Variants in APLP1 observed in about 807,000 individuals in gnomAD.
APLP1 encodes amyloid beta precursor like protein 1.
In APLP1, 46 loss-of-function variants were observed where a neutral mutation model predicts 84.5. The observed-to-expected ratio is 0.54, with a 90% confidence interval of 0.43 to 0.70. The LOEUF (loss-of-function observed/expected upper bound fraction) is 0.70, where lower values mean the gene tolerates loss of function less well. Ranked by LOEUF, APLP1 falls within the 30% of genes least tolerant of loss-of-function variation. The pLI, the probability that APLP1 is intolerant of heterozygous loss-of-function variation, is 0.00. For missense variants in APLP1, 826 were observed against 900.2 expected (o/e 0.92, Z 1.05); for synonymous variants, 376 against 364.0 (o/e 1.03, Z -0.38).
At chr19:35,870,834 T>C (rs1974123806) in intron 2 of APLP1, 62 bp from the exon 3 acceptor site, 8 of 1,553,480 alleles carry the variant, frequency 5.1e-6, no homozygotes, top group African/African-American at 1.4e-5. Flanking sequence ...ACCTGACTAC[T>C]GGAGAGGGGT....
At chr19:35,875,160 C>CTTTTT (rs71167572) in intron 10 of APLP1, among the ~76,000 whole-genome samples, 50 of 115,764 alleles carry the variant, frequency 4.3e-4, no homozygotes, top group East Asian at 3.5e-3. Flanking sequence ...CCAGAATCGT[C>CTTTTT]TTTTTTTTTT....
intron 2 of APLP1, chr19:35,870,480 C>A (rs928825920): frequency 9.9e-6 from 2 of 202,726 alleles, no homozygotes; most frequent in South Asian, 7.2e-5. Context: ...CTCATGAATA[C>A]TAGAGCCTTG....
intron 10 of APLP1, among the ~76,000 whole-genome samples, chr19:35,875,160 CTTTTTTT>C (rs71167572): frequency 1.7e-5 from 2 of 115,794 alleles, no homozygotes; most frequent in African/African-American, 7.2e-5. Flanking sequence ...CCAGAATCGT[CTTTTTTT>C]TTTTTTTTTT....
chr19:35,868,588 G>A lies in APLP1; in HGVS notation c.-49G>A. The A allele has an allele frequency of 1.6e-6, 2 of 1,225,916 alleles. No homozygotes were observed. The highest frequency in any genetic ancestry group is 1.0e-6 in the Non-Finnish European group (1 of 983,304). 75.9% of individuals were successfully genotyped at this position (1,225,916 alleles called of 1,614,324 possible). On this transcript the variant is annotated 5_prime_UTR_variant, in exon 1 of 17. Coordinates refer to ENST00000221891, the MANE Select transcript of APLP1 (RefSeq NM_001024807.3). The surrounding 1 kb of genome is among the most constrained non-coding windows in gnomAD (Gnocchi z 5.2). Reference sequence around the variant, plus strand: ...GCTGGGAGCTCCTGTCACCGCTGGGGCCGGGCCGGGCGGGAGTGCAGGGGA... The same window carrying A: ...GCTGGGAGCTCCTGTCACCGCTGGGACCGGGCCGGGCGGGAGTGCAGGGGA...
intron 10 of APLP1, among the ~76,000 whole-genome samples, chr19:35,876,251 G>T (rs899873930): frequency 5.9e-5 from 9 of 151,956 alleles, no homozygotes; most frequent in African/African-American, 2.2e-4. Context: ...TCCAAATCTT[G>T]CCTTGAACCA....
intron 7 of APLP1, among the ~76,000 whole-genome samples, chr19:35,872,953 G>A (rs538657866): frequency 2.0e-5 from 3 of 151,566 alleles, no homozygotes; most frequent in South Asian, 2.1e-4. Flanking sequence ...TCTGCCTCCC[G>A]GGCTCCAGCG....
chr19:35,873,117 C>T (rs964566411), intron 7 of APLP1, among the ~76,000 whole-genome samples: 1 of 152,048 alleles, frequency 6.6e-6, no homozygotes, highest in Non-Finnish European at 1.5e-5. Context: ...GCCTCGGCCT[C>T]CCAAAGTGCT....
Position 35,868,862 on chromosome 19 carries a change from G to A in APLP1, c.147+79G>A. The A allele has an allele frequency of 1.7e-6, 2 of 1,211,678 alleles. No individual in the cohort carries two copies. The highest frequency in any genetic ancestry group is 5.8e-5 in the South Asian group (2 of 34,642). The allele number at this position is 1,211,678 out of a possible 1,614,324, so 75.1% of individuals were successfully genotyped here. A position where few individuals can be genotyped will look rare whatever the true frequency, so the allele number is the denominator to read the frequency against. On this transcript the variant is annotated intron_variant, in intron 1 of 16. Coordinates refer to ENST00000221891, the MANE Select transcript of APLP1 (RefSeq NM_001024807.3). This position sits in a 1 kb window ranked among gnomAD's most constrained non-coding sequence, Gnocchi z 5.2. ...GGACGCCGGCGCGGACATGTCCAGGGCAGAAAGCGCGGTCTTTCCAGCCAG... is the reference window on the plus strand; with the variant it reads ...GGACGCCGGCGCGGACATGTCCAGGACAGAAAGCGCGGTCTTTCCAGCCAG...
chr19:35,877,471 A>G (rs1466647042), intron 11 of APLP1, among the ~76,000 whole-genome samples: 1 of 151,276 alleles, frequency 6.6e-6, no homozygotes, highest in East Asian at 1.9e-4. Flanking sequence ...CTGGGCAACA[A>G]GAGTGAGACT....
Position 35,876,576 on chromosome 19 carries a change from C to G in APLP1, c.1404C>G (p.Asp468Glu), listed in dbSNP as rs1974285769. Residue 468 changes from aspartate (D) to glutamate (E), a missense_variant, in exon 11 of 17, where the codon GAC (aspartate) becomes GAG (glutamate). Asp to Glu is a conservative substitution (Grantham distance 45). Coordinates refer to ENST00000221891, the MANE Select transcript of APLP1 (RefSeq NM_001024807.3). ...TGAATCAGAGCCTGGGCCTGCTTGA[C>G]CAGAACCCCCACCTGGCTCAGGAGC... ...ERVNQSLGLL[D>E]QNPHLAQELR... 1.2e-6 allele frequency: 2 copies of G among 1,613,500 alleles called. No homozygotes were observed. Among genetic ancestry groups the G allele is most frequent in the Non-Finnish European group, 1.7e-6 (2 of 1,179,822 alleles).
chr19:35,876,956 G>A (rs1300286817), intron 11 of APLP1, among the ~76,000 whole-genome samples: 1 of 152,170 alleles, frequency 6.6e-6, no homozygotes, highest in Non-Finnish European at 1.5e-5. Flanking sequence ...GGTCTCATCA[G>A]CAGGGTAGCT....
At position 35,874,606 on chromosome 19, in the gene APLP1, C is replaced by G; in HGVS notation, c.1159C>G (p.Gln387Glu). The G allele has an allele frequency of 6.2e-7, 1 of 1,614,016 alleles. No homozygotes were observed. Among genetic ancestry groups the G allele is most frequent in the South Asian group, 1.1e-5 (1 of 91,092 alleles). ...CCGCGTCATCGCCCTTATCAACGAC[C>G]AGCGCCGGGCTGCCTTGGAGGGCTT... is the stretch of plus-strand genomic sequence containing the variant. ...ATRVIALIND[Q>E]RRAALEGFLA... Residue 387 changes from glutamine to glutamate, a missense_variant, in exon 9 of 17, where the codon CAG (glutamine) becomes GAG (glutamate). Physicochemically the swap from Gln to Glu is conservative, Grantham distance 29 (BLOSUM62 2). Around this residue, in one of 3 missense-constraint regions of APLP1, gnomAD observed 433 missense variants for 496.5 expected, o/e 0.87. Coordinates refer to ENST00000221891, the MANE Select transcript of APLP1 (RefSeq NM_001024807.3). The surrounding 1 kb of genome is among the most constrained non-coding windows in gnomAD (Gnocchi z 6.4).
chr19:35,877,710 C>G lies in APLP1; in HGVS notation c.1445-8C>G, dbSNP rs368995007. 21 of 1,606,724 alleles carry G rather than the reference C, an allele frequency of 1.3e-5. No homozygotes were observed. The highest frequency in any genetic ancestry group is 1.8e-5 in the Non-Finnish European group (21 of 1,174,328). On this transcript the variant is annotated splice_region_variant and splice_polypyrimidine_tract_variant and intron_variant, in intron 11 of 16. Coordinates refer to ENST00000221891, the MANE Select transcript of APLP1 (RefSeq NM_001024807.3). ...TACCTCAGCCACCTTTCTGCATGTCCCCCTCAGAGGAACTCCTCCACTCTG... is the reference window on the plus strand; with the variant it reads ...TACCTCAGCCACCTTTCTGCATGTCGCCCTCAGAGGAACTCCTCCACTCTG...
chr19:35,876,364 A>G (rs1053041341), intron 10 of APLP1, among the ~76,000 whole-genome samples, 153 bp from the exon 11 acceptor site: 7 of 152,168 alleles, frequency 4.6e-5, no homozygotes, highest in African/African-American at 1.7e-4. Context: ...TCCTTCTCCT[A>G]TGGCCCAGTT....
In APLP1 at chr19:35,874,410, C is replaced by G. The variant is rs1046570722; in HGVS notation, c.1057-94C>G. 1 of 1,514,416 alleles carries G rather than the reference C, an allele frequency of 6.6e-7. No homozygotes were observed. Among genetic ancestry groups the G allele is most frequent in the African/African-American group, 1.4e-5 (1 of 73,120 alleles). 93.8% of individuals were successfully genotyped at this position (1,514,416 alleles called of 1,614,324 possible). ...CCAGGCCTGGACCCCTGGAACGCCC[C>G]CCAACCCCATGTAGCCCTGCCTTTC... On this transcript the variant is annotated intron_variant, in intron 8 of 16. Coordinates refer to ENST00000221891, the MANE Select transcript of APLP1 (RefSeq NM_001024807.3). The surrounding 1 kb of genome is among the most constrained non-coding windows in gnomAD (Gnocchi z 6.4).
Position 35,874,132 on chromosome 19 carries a change from C to T in APLP1, c.1057-372C>T, listed in dbSNP as rs1440899435. ...CATGGAGACCCCACTCATGTTAGCC[C>T]CCATTCCAGCTCTTTGTCCCACCCC... On this transcript the variant is annotated intron_variant, in intron 8 of 16. Coordinates refer to ENST00000221891, the MANE Select transcript of APLP1 (RefSeq NM_001024807.3). This position sits in a 1 kb window ranked among gnomAD's most constrained non-coding sequence, Gnocchi z 6.4. Among the ~76,000 whole-genome samples, 2 of 152,182 alleles carry T rather than the reference C, an allele frequency of 1.3e-5. No homozygotes were observed. Among genetic ancestry groups the T allele is most frequent in the East Asian group, 3.9e-4 (2 of 5,190 alleles).
rs1282748930 is a variant in APLP1 at position 35,874,496 on chromosome 19, C to T, written c.1057-8C>T. 1 of 1,613,774 alleles carries T rather than the reference C, an allele frequency of 6.2e-7. No individual in the cohort carries two copies. Among genetic ancestry groups the T allele is most frequent in the Non-Finnish European group, 8.5e-7 (1 of 1,179,826 alleles). ...CCTCTCCTGACCCTGTGCCCACCCG[C>T]TCCCCAGCACTTCCAGTCCATTCTG... On this transcript the variant is annotated splice_polypyrimidine_tract_variant and splice_region_variant and intron_variant, in intron 8 of 16. Transcript: ENST00000221891. This position sits in a 1 kb window ranked among gnomAD's most constrained non-coding sequence, Gnocchi z 6.4.
At position 35,869,747 on chromosome 19, in the gene APLP1, A is replaced by G. The variant is rs778721019; in HGVS notation, c.228A>G (p.Pro76=). Residue 76 remains proline (P), a synonymous_variant, in exon 2 of 17, where the codon CCA becomes CCG. Transcript: ENST00000221891. ...HRDLRTGRWE[P]DPQRSRRCLR... is the part of the protein sequence containing the mutation. ...ACCTGCGCACCGGCCGCTGGGAACC[A>G]GACCCACAGCGCTCTCGACGCTGTC... The G allele has an allele frequency of 6.2e-7, 1 of 1,610,158 alleles. No individual in the cohort carries two copies. Among genetic ancestry groups the G allele is most frequent in the Non-Finnish European group, 8.5e-7 (1 of 1,179,060 alleles).
Position 35,868,885 on chromosome 19 carries a change from C to A in APLP1, c.147+102C>A. On this transcript the variant is annotated intron_variant, in intron 1 of 16. Coordinates refer to ENST00000221891, the MANE Select transcript of APLP1 (RefSeq NM_001024807.3). This position sits in a 1 kb window ranked among gnomAD's most constrained non-coding sequence, Gnocchi z 5.2. ...GGGCAGAAAGCGCGGTCTTTCCAGCCAGGTGGTCAGCCCCCAGGCGCCCCC... is the reference window on the plus strand; with the variant it reads ...GGGCAGAAAGCGCGGTCTTTCCAGCAAGGTGGTCAGCCCCCAGGCGCCCCC... 1.8e-6 allele frequency: 2 copies of A among 1,092,800 alleles called. No homozygotes were observed. Among genetic ancestry groups the A allele is most frequent in the Non-Finnish European group, 1.2e-6 (1 of 852,240 alleles). The allele number at this position is 1,092,800 out of a possible 1,614,324, so 67.7% of individuals were successfully genotyped here.
Sources: gnomAD v4.1 joint callset for allele counts (sites outside exome capture counted in the v4.1 genomes callset) on GRCh38, gnomAD v4.1.1 for gene constraint, gnomAD v4.1.1 regional missense constraint, Gnocchi (gnomAD v3.1) non-coding constraint, MANE v1.5 for transcripts, NCBI Gene and HGNC (gene_info 2026-07-23, HGNC 2026-07-21) for gene names.